CDH19: variants seen among roughly 807,000 people sequenced by gnomAD.
CDH19 encodes the protein cadherin 19.
CDH19 carries 67 observed loss-of-function variants against 64.2 expected under a neutral mutation model. The observed-to-expected ratio is 1.04, with a 90% CI of 0.86 to 1.28. CDH19 has a LOEUF of 1.28. Ranked by LOEUF, CDH19 falls within the 50% of genes most tolerant of loss-of-function variation. The pLI is 0.00. For synonymous variants in CDH19, 346 were observed against 319.3 expected (o/e 1.08, Z -0.89); for missense variants, 1,030 against 929.0 (o/e 1.11, Z -1.41).
At position 66,503,053 on chromosome 18, in the gene CDH19, G is replaced by A. The variant is rs1985014978; in HGVS notation, c.*1759C>T. On this transcript the variant is annotated 3_prime_UTR_variant, in exon 12 of 12. Transcript: ENST00000262150. ...TCAAATTATTTGATTTAACATATAT[G>A]GCCAGTTTGGTTCAGCTTAGTCTCA... 6.6e-6 allele frequency: 1 copy of A among 151,686 alleles called. No homozygotes were observed. The highest frequency in any genetic ancestry group is 2.1e-4 in the South Asian group (1 of 4,812). 9.4% of individuals were successfully genotyped at this position (151,686 alleles called of 1,614,324 possible). A position where few individuals can be genotyped will look rare whatever the true frequency, so the allele number is the denominator to read the frequency against.
chr18:66,563,066 C>A, intron 3 of CDH19, among the ~76,000 whole-genome samples: 1 of 151,952 alleles, frequency 6.6e-6, no homozygotes, highest in East Asian at 1.9e-4. Context: ...AATGCTTTAT[C>A]CACTGGTGAT....
At chr18:66,543,336 C>A (rs1432268172) in intron 7 of CDH19, among the ~76,000 whole-genome samples, 1 of 151,798 alleles carries the variant, frequency 6.6e-6, no homozygotes, top group African/African-American at 2.4e-5. Context: ...CTTAAATAAG[C>A]CACATTTTGA....
intron 7 of CDH19, among the ~76,000 whole-genome samples, chr18:66,540,135 G>A (rs528869370): frequency 2.0e-5 from 3 of 151,992 alleles, no homozygotes; most frequent in Non-Finnish European, 4.4e-5. Context: ...ATAAACTTTA[G>A]CAATATTTTG....
intron 5 of CDH19, among the ~76,000 whole-genome samples, chr18:66,550,168 T>C (rs1987288509): frequency 6.6e-6 from 1 of 152,152 alleles, no homozygotes; most frequent in African/African-American, 2.4e-5. Flanking sequence ...GAAGTGCTTA[T>C]AAATGTATTC....
chr18:66,568,891 G>A (rs1335106367), intron 2 of CDH19, among the ~76,000 whole-genome samples, 181 bp from the exon 3 acceptor site: 1 of 151,656 alleles, frequency 6.6e-6, no homozygotes, highest in Non-Finnish European at 1.5e-5. Flanking sequence ...CAGGGAGAAG[G>A]AAGAGTGAAT....
At chr18:66,580,884 G>A (rs942360472) in intron 1 of CDH19, among the ~76,000 whole-genome samples, 8 of 152,026 alleles carry the variant, frequency 5.3e-5, no homozygotes, top group Non-Finnish European at 1.0e-4. Flanking sequence ...CATTTCAGCA[G>A]AAGTGAAAAA....
intron 1 of CDH19, among the ~76,000 whole-genome samples, chr18:66,573,003 G>C (rs1362215824): frequency 6.6e-6 from 1 of 151,596 alleles, no homozygotes; most frequent in Non-Finnish European, 1.5e-5. Flanking sequence ...GTGAATGTTT[G>C]TAATATGTAA....
intron 9 of CDH19, among the ~76,000 whole-genome samples, chr18:66,524,820 C>T (rs1465209079): frequency 2.0e-5 from 3 of 151,746 alleles, no homozygotes; most frequent in Non-Finnish European, 4.4e-5. Context: ...TTATTCTGCC[C>T]CAATTTTATT....
At chr18:66,539,070 A>T (rs1331821079) in intron 7 of CDH19, among the ~76,000 whole-genome samples, 1 of 152,128 alleles carries the variant, frequency 6.6e-6, no homozygotes, top group Admixed American at 6.5e-5. Context: ...TCCTGGGTAA[A>T]TGCTTGGAAG....
At chr18:66,523,365 A>C (rs1986075482) in intron 9 of CDH19, among the ~76,000 whole-genome samples, 1 of 152,174 alleles carries the variant, frequency 6.6e-6, no homozygotes, top group African/African-American at 2.4e-5. Flanking sequence ...AAAATATCAG[A>C]GGACAGCCAA....
intron 9 of CDH19, among the ~76,000 whole-genome samples, chr18:66,527,148 T>C (rs1986255604): frequency 6.6e-6 from 1 of 151,576 alleles, no homozygotes; most frequent in Admixed American, 6.6e-5. Context: ...ATCTATTATA[T>C]ATTGGTGCAC....
chr18:66,566,926 G>A (rs1284535494), intron 3 of CDH19, among the ~76,000 whole-genome samples: 1 of 151,684 alleles, frequency 6.6e-6, no homozygotes, highest in Non-Finnish European at 1.5e-5. Flanking sequence ...GATGTATACA[G>A]CCCTGAGCAC....
intron 10 of CDH19, among the ~76,000 whole-genome samples, chr18:66,510,997 G>A (rs1269409502): frequency 6.6e-6 from 1 of 151,670 alleles, no homozygotes; most frequent in African/African-American, 2.4e-5. Flanking sequence ...AAGCAGCGTG[G>A]CTTTGTATAA....
At chr18:66,542,488 A>G (rs1020812098) in intron 7 of CDH19, among the ~76,000 whole-genome samples, 1 of 152,222 alleles carries the variant, frequency 6.6e-6, no homozygotes, top group Non-Finnish European at 1.5e-5. Flanking sequence ...ACTGAAACAA[A>G]CAAATAAACA....
chr18:66,530,011 T>C (rs531308805), intron 8 of CDH19, 45 bp from the exon 9 acceptor site: 2 of 1,040,184 alleles, frequency 1.9e-6, no homozygotes, highest in South Asian at 2.0e-5. Context: ...TATTTTAATA[T>C]GTCTTTAGAA....
chr18:66,555,682 C>T (rs1243241551), intron 3 of CDH19, among the ~76,000 whole-genome samples: 1 of 151,622 alleles, frequency 6.6e-6, no homozygotes, highest in Non-Finnish European at 1.5e-5. Context: ...TGTGTAGACA[C>T]TTACTAGTTT....
At chr18:66,510,464 A>G (rs945690772) in intron 10 of CDH19, among the ~76,000 whole-genome samples, 2 of 148,316 alleles carry the variant, frequency 1.3e-5, no homozygotes, top group African/African-American at 4.9e-5. Context: ...TTAAATATAT[A>G]CATTTAAAAA....
At chr18:66,584,706 T>C (rs759023675) in intron 1 of CDH19, among the ~76,000 whole-genome samples, 2 of 152,094 alleles carry the variant, frequency 1.3e-5, no homozygotes, top group Non-Finnish European at 2.9e-5. Context: ...TACCATGAAA[T>C]ATTATGCAGT....
chr18:66,512,810 G>A (rs1310892233), intron 9 of CDH19, among the ~76,000 whole-genome samples: 2 of 151,276 alleles, frequency 1.3e-5, no homozygotes, highest in East Asian at 3.9e-4. Flanking sequence ...AGAGGGCAGG[G>A]GCTTGGAAAC....
Sources: gnomAD v4.1 joint callset for allele counts (sites outside exome capture counted in the v4.1 genomes callset) on GRCh38, gnomAD v4.1.1 for gene constraint, MANE v1.5 for transcripts, NCBI Gene and HGNC (gene_info 2026-07-23, HGNC 2026-07-21) for gene names.